RPL38: variants seen among roughly 807,000 people sequenced by gnomAD.
The protein encoded by RPL38 is ribosomal protein L38, also known as large ribosomal subunit protein eL38.
In RPL38, 2 loss-of-function variants were observed where a neutral mutation model predicts 12.8. The observed-to-expected ratio is 0.16, with a 90% CI of 0.06 to 0.49. The LOEUF (loss-of-function observed/expected upper bound fraction) is 0.49, where lower values mean the gene tolerates loss of function less well. Among genes scored for constraint, RPL38 ranks in the 20% least tolerant of loss-of-function variants. The pLI is 0.96. For synonymous variants in RPL38, 42 were observed against 30.1 expected, an observed-to-expected ratio of 1.39 and a Z score of -1.29; for missense variants, 52 against 79.8, an observed-to-expected ratio of 0.65 and a Z score of 1.33.
intron 2 of RPL38, 39 bp downstream of exon 2, chr17:74,203,997 C>G (rs748412265): frequency 6.2e-6 from 10 of 1,612,966 alleles, no homozygotes; most frequent in Non-Finnish European, 8.5e-6. Flanking sequence ...CCGGGGTGGG[C>G]TCGTGGGGCC....
Position 74,203,732 on chromosome 17 carries a change from C to G in RPL38, c.-52C>G. On this transcript the variant is annotated 5_prime_UTR_variant, in exon 1 of 5. Coordinates refer to ENST00000311111, the MANE Select transcript of RPL38 (RefSeq NM_000999.4). ...TGCTGTGAGTGTCTCTAGGGTGATACGTGGGTGAGAAAGGTAATCTGGGGC... is the reference window on the plus strand; with the variant it reads ...TGCTGTGAGTGTCTCTAGGGTGATAGGTGGGTGAGAAAGGTAATCTGGGGC... 3.3e-6 allele frequency: 2 copies of G among 602,986 alleles called. No homozygotes were observed. Among genetic ancestry groups the G allele is most frequent in the Non-Finnish European group, 5.9e-6 (2 of 336,780 alleles). The allele number at this position is 602,986 out of a possible 1,614,324, so 37.4% of individuals were successfully genotyped here.
At chr17:74,206,034 A>G (rs1243497893) in intron 3 of RPL38, 2 of 152,106 alleles carry the variant, frequency 1.3e-5, no homozygotes, top group African/African-American at 4.8e-5. Context: ...AAAATTGGGA[A>G]CCTTCATTTT....
At chr17:74,206,497 C>CT (rs2050115231) in intron 3 of RPL38, among the ~76,000 whole-genome samples, 1 of 152,078 alleles carries the variant, frequency 6.6e-6, no homozygotes, top group African/African-American at 2.4e-5. Flanking sequence ...ATCTCCAGAA[C>CT]TTTATCTTCC....
Position 74,209,992 on chromosome 17 carries a change from TTTTTTC to T in RPL38, c.*167_*172del. 6.3e-5 allele frequency: 37 copies of T among 586,708 alleles called. No homozygotes were observed. Among genetic ancestry groups the T allele is most frequent in the Middle Eastern group, 2.6e-4 (1 of 3,774 alleles). 36.3% of individuals were successfully genotyped at this position (586,708 alleles called of 1,614,324 possible). ...CCTTCCTGTGTCTTTTTTTTTTTTT[TTTTTTC>T]TTTCTTTGAGACGGAGTCTTGCTCT... On this transcript the variant is annotated 3_prime_UTR_variant, in exon 5 of 5. Coordinates refer to ENST00000311111, the MANE Select transcript of RPL38 (RefSeq NM_000999.4).
chr17:74,204,107 C>G lies in RPL38; in HGVS notation c.4-23C>G, dbSNP rs377686637. The G allele has an allele frequency of 2.5e-6, 4 of 1,614,074 alleles. No individual in the cohort carries two copies. The East Asian group carries it at 8.9e-5, about 36-fold the overall frequency. On this transcript the variant is annotated intron_variant, in intron 2 of 4. Coordinates refer to ENST00000311111, the MANE Select transcript of RPL38 (RefSeq NM_000999.4). ...GAGACGTGTCTCTTTCCTCTCTGTT[C>G]ACCCGCTTCCTTTGTGTTGCAGCCT...
intron 3 of RPL38, among the ~76,000 whole-genome samples, chr17:74,206,476 C>G (rs546468650): frequency 2.0e-4 from 30 of 152,244 alleles, no homozygotes; most frequent in African/African-American, 6.5e-4. Flanking sequence ...CAGCTGCCAC[C>G]ATCACCGCCC....
At position 74,203,977 on chromosome 17, in the gene RPL38, T is replaced by C. The variant is rs752497281; in HGVS notation, c.3+19T>C. 2 of 1,612,922 alleles carry C rather than the reference T, an allele frequency of 1.2e-6. No homozygotes were observed. The highest frequency in any genetic ancestry group is 1.1e-5 in the South Asian group (1 of 90,896). On this transcript the variant is annotated intron_variant, in intron 2 of 4. Transcript: ENST00000311111. ...CGCCATGGTGAGTACAGTCCCTGCC[T>C]GGCGCCTTCCCGGGGTGGGCTCGTG...
At position 74,210,336 on chromosome 17, in the gene RPL38, A is replaced by AAT. The variant is rs1300337978; in HGVS notation, c.*509_*510dup. 2 of 154,290 alleles carry AAT rather than the reference A, an allele frequency of 1.3e-5. No individual in the cohort carries two copies. The highest frequency in any genetic ancestry group is 2.9e-5 in the Non-Finnish European group (2 of 69,402). 9.6% of individuals were successfully genotyped at this position (154,290 alleles called of 1,614,324 possible). On this transcript the variant is annotated 3_prime_UTR_variant, in exon 5 of 5. Coordinates refer to ENST00000311111, the MANE Select transcript of RPL38 (RefSeq NM_000999.4). Reference sequence around the variant, plus strand: ...TAAGATGTGGGGAGGCCATGATGGAAATAGCACGTGGGGTTAAACATAACT... The same window carrying AAT: ...TAAGATGTGGGGAGGCCATGATGGAAATATAGCACGTGGGGTTAAACATAACT...
intron 3 of RPL38, chr17:74,204,444 G>GTTT: frequency 2.0e-6 from 1 of 512,260 alleles, no homozygotes; most frequent in Non-Finnish European, 3.5e-6. Context: ...GTTTTCTTTC[G>GTTT]TATAATATAG....
At chr17:74,207,882 T>C (rs992664242) in intron 3 of RPL38, among the ~76,000 whole-genome samples, 3 of 152,350 alleles carry the variant, frequency 2.0e-5, no homozygotes, top group African/African-American at 7.2e-5. Flanking sequence ...GGCAGTGTTA[T>C]ACTGAAATAG....
chr17:74,204,233 C>T, intron 3 of RPL38, 43 bp downstream of exon 3: 7 of 1,555,512 alleles, frequency 4.5e-6, no homozygotes, highest in South Asian at 1.1e-5. Context: ...GGTGCCTAGC[C>T]TGGCACCGCT....
rs2050143194 is a variant in RPL38, at chr17:74,209,302, G to C, written c.180G>C (p.Leu60=). ...KEKAEKLKQS[L]PPGLAVKELK ...AGGCAGAGAAACTGAAGCAGTCCCT[G>C]CCCCCCGGTGAGTGAGCCTGAAGTC... The change falls in exon 4 of 5, where the codon CTG becomes CTC. Residue 60 remains leucine, a synonymous_variant. Transcript: ENST00000311111. The C allele has an allele frequency of 6.2e-7, 1 of 1,613,876 alleles. No individual in the cohort carries two copies. The highest frequency in any genetic ancestry group is 1.3e-5 in the African/African-American group (1 of 74,918).
intron 3 of RPL38, among the ~76,000 whole-genome samples, chr17:74,207,484 A>G (rs1019055843): frequency 6.6e-6 from 1 of 152,126 alleles, no homozygotes; most frequent in Non-Finnish European, 1.5e-5. Context: ...ATACCTAGAA[A>G]TGGAATTGCT....
intron 3 of RPL38, chr17:74,204,788 G>T (rs1209556302): frequency 6.6e-6 from 1 of 152,012 alleles, no homozygotes; most frequent in South Asian, 2.1e-4. Context: ...TGCAATTACC[G>T]CCTCCCAGGT....
intron 3 of RPL38, among the ~76,000 whole-genome samples, chr17:74,208,802 G>GT (rs1323242757): frequency 9.2e-5 from 14 of 152,134 alleles, no homozygotes; most frequent in African/African-American, 3.4e-4. Flanking sequence ...GGGTGTGGTG[G>GT]TGCACGCCTG....
intron 3 of RPL38, among the ~76,000 whole-genome samples, chr17:74,206,619 G>T (rs1482044152): frequency 6.6e-6 from 1 of 151,896 alleles, no homozygotes; most frequent in Non-Finnish European, 1.5e-5. Context: ...CATACAAGTG[G>T]GTCTGCTATT....
chr17:74,203,980 C>T (rs2050085366), intron 2 of RPL38, 22 bp downstream of exon 2: 2 of 1,612,836 alleles, frequency 1.2e-6, no homozygotes, highest in East Asian at 2.2e-5. Context: ...CCCTGCCTGG[C>T]GCCTTCCCGG....
intron 4 of RPL38, chr17:74,209,554 G>C (rs764480011): frequency 1.6e-6 from 1 of 631,192 alleles, no homozygotes. Context: ...GACCCTTCGA[G>C]GTTGGTGCTA....
Position 74,209,957 on chromosome 17 carries a change from T to C in RPL38, c.*128T>C, listed in dbSNP as rs2143695665. 4.3e-6 allele frequency: 3 copies of C among 690,544 alleles called. No individual in the cohort carries two copies. Among genetic ancestry groups the C allele is most frequent in the South Asian group, 1.7e-5 (1 of 58,118 alleles). 42.8% of individuals were successfully genotyped at this position (690,544 alleles called of 1,614,324 possible). A position where few individuals can be genotyped will look rare whatever the true frequency, so the allele number is the denominator to read the frequency against. On this transcript the variant is annotated 3_prime_UTR_variant, in exon 5 of 5. Transcript: ENST00000311111. ...CTTCTGATGGGAACAGGACGCGGGT[T>C]CTGTTGCTGCCTTCCTGTGTCTTTT...
Sources: allele counts gnomAD v4.1 joint callset (sites outside exome capture counted in the v4.1 genomes callset), GRCh38; gene constraint gnomAD v4.1.1; transcripts MANE v1.5; gene names NCBI Gene and HGNC (gene_info 2026-07-23, HGNC 2026-07-21).